The following CASKIN1 variants were observed in gnomAD, a reference collection of about 807,000 sequenced individuals.
CASKIN1 encodes the protein CASK interacting protein 1.
In CASKIN1, 42 loss-of-function variants were observed where a neutral mutation model predicts 117.5. The ratio of observed to expected loss-of-function variants is 0.36; its 90% CI spans 0.28 to 0.46. The LOEUF (loss-of-function observed/expected upper bound fraction) is 0.46. Ranked by LOEUF, CASKIN1 falls within the 20% of genes least tolerant of loss-of-function variation. The pLI, the probability that CASKIN1 is intolerant of heterozygous loss-of-function variation, is 1.00. For synonymous variants in CASKIN1, 1,148 were observed against 961.7 expected (o/e 1.19, Z -3.59); for missense variants, 2,083 against 2,077.3 (o/e 1.00, Z -0.05).
At position 2,187,207 on chromosome 16, in the gene CASKIN1, G is replaced by A. The variant is rs1335064738; in HGVS notation, c.794C>T (p.Thr265Ile). ...GATCTCCCTGCTGGCCTGGGACGTG[G>A]TGAACTGGTGCACGATGTCCAGGGC... ...QTALDIVHQF[T>I]TSQASREIKQ... The change falls in exon 8 of 20, where the codon ACC (threonine) becomes ATC (isoleucine). Residue 265 changes from threonine (T) to isoleucine (I), a missense_variant. Physicochemically the swap from Thr to Ile is moderately conservative, Grantham distance 89. This residue lies in a region of CASKIN1 where 203 missense variants were observed against 338.7 expected (regional missense o/e 0.60). Coordinates refer to ENST00000343516, the MANE Select transcript of CASKIN1 (RefSeq NM_020764.4). 6.2e-7 allele frequency: 1 copy of A among 1,614,064 alleles called. No individual in the cohort carries two copies. Among genetic ancestry groups the A allele is most frequent in the Non-Finnish European group, 8.5e-7 (1 of 1,179,986 alleles).
intron 15 of CASKIN1, 33 bp downstream of exon 15, chr16:2,183,798 G>T: frequency 1.2e-6 from 2 of 1,610,266 alleles, no homozygotes; most frequent in Non-Finnish European, 8.5e-7. Flanking sequence ...TCTGTGGGAC[G>T]CAGCTGGCGC....
rs749413890 is a variant in CASKIN1 at position 2,190,148 on chromosome 16, C to A, written c.169G>T (p.Ala57Ser). 1.9e-6 allele frequency: 3 copies of A among 1,613,098 alleles called. No homozygotes were observed. The part of the protein sequence containing the change: ...PDGFSALHHA[A>S]LNGNTELISL... ...ATCAATTCCGTGTTGCCGTTCAGGGCCGCATGGTGCAGAGCCGAGAAGCTG... is the reference window on the plus strand; with the variant it reads ...ATCAATTCCGTGTTGCCGTTCAGGGACGCATGGTGCAGAGCCGAGAAGCTG... Residue 57 changes from alanine to serine, a missense_variant, in exon 3 of 20, where the codon GCC (alanine) becomes TCC (serine). Physicochemically the swap from Ala to Ser is moderately conservative, Grantham distance 99 (BLOSUM62 1). Transcript: ENST00000343516.
chr16:2,178,435 C>G lies in CASKIN1; in HGVS notation c.*115G>C, dbSNP rs1187048441. ...CCCGGGTCCAGGGGCCGGAGTTGTG[C>G]TTCTGCAGGGCCCTGCCCGGCCGCT... On this transcript the variant is annotated 3_prime_UTR_variant, in exon 20 of 20. Coordinates refer to ENST00000343516, the MANE Select transcript of CASKIN1 (RefSeq NM_020764.4). 11 of 757,866 alleles carry G rather than the reference C, an allele frequency of 1.5e-5. No homozygotes were observed. Among genetic ancestry groups the G allele is most frequent in the Non-Finnish European group, 1.7e-5 (9 of 519,914 alleles). The allele number at this position is 757,866 out of a possible 1,614,324, so 46.9% of individuals were successfully genotyped here. A position where few individuals can be genotyped will look rare whatever the true frequency, so the allele number is the denominator to read the frequency against.
Position 2,185,162 on chromosome 16 carries a change from G to A in CASKIN1, c.1188C>T (p.Gly396=), listed in dbSNP as rs771581314. 71 of 1,608,242 alleles carry A rather than the reference G, an allele frequency of 4.4e-5. 1 individual carries two copies. The East Asian group carries it at 1.1e-3, about 25-fold the overall frequency. ...DRSGSISGMA[G]GRGSGGHALH... ...GGGCGTGACCCCCGCTGCCCCGGCC[G>A]CCAGCCATGCCGCTAATGCTGCCGC... The change falls in exon 12 of 20, where the codon GGC becomes GGT. Residue 396 remains glycine, a synonymous_variant. Transcript: ENST00000343516.
chr16:2,183,925 C>G lies in CASKIN1; in HGVS notation c.1433G>C (p.Ser478Thr). The G allele has an allele frequency of 6.2e-7, 1 of 1,605,312 alleles. No homozygotes were observed. The change falls in exon 15 of 20, where the codon AGC becomes ACC. Residue 478 changes from serine to threonine, a missense_variant. By Grantham distance (58) the Ser-to-Thr change is moderately conservative. Transcript: ENST00000343516. ...CAGCTGGAACGCGGTGAGCCACTGGCTCACGGCCTCAGAGCTCTGGAAGAC... is the reference window on the plus strand; with the variant it reads ...CAGCTGGAACGCGGTGAGCCACTGGGTCACGGCCTCAGAGCTCTGGAAGAC... Reference protein sequence around the residue: ...ASEGKSSEAVSQWLTAFQLQL... With the variant: ...ASEGKSSEAVTQWLTAFQLQL...
At position 2,179,797 on chromosome 16, in the gene CASKIN1, G is replaced by A. The variant is rs1259119967; in HGVS notation, c.3571C>T (p.Leu1191=). 1 of 1,575,054 alleles carries A rather than the reference G, an allele frequency of 6.3e-7. No individual in the cohort carries two copies. Among genetic ancestry groups the A allele is most frequent in the South Asian group, 1.1e-5 (1 of 87,512 alleles). The change falls in exon 18 of 20, where the codon CTG becomes TTG. Residue 1191 remains leucine (L), a synonymous_variant. Transcript: ENST00000343516. The surrounding 1 kb of genome is among the most constrained non-coding windows in gnomAD (Gnocchi z 5.8). Reference sequence around the variant, plus strand: ...TCGGCAGGCGGGGGCGGTGGAGGCAGCTCCGGAGGCCCAGCCTGCTCCGAG... The same window carrying A: ...TCGGCAGGCGGGGGCGGTGGAGGCAACTCCGGAGGCCCAGCCTGCTCCGAG... ...PASEQAGPPE[L]PPPPPPAEPP... is the part of the protein sequence containing the mutation.
In CASKIN1 at chr16:2,181,505, C is replaced by A; in HGVS notation, c.1863G>T (p.Lys621Asn). Residue 621 changes from lysine (K) to asparagine (N), a missense_variant, in exon 18 of 20, where the codon AAG becomes AAT. Transcript: ENST00000343516. Reference protein sequence around the residue: ...AKYEGGPLRRKAPQSLEVMAI... With the variant: ...AKYEGGPLRRNAPQSLEVMAI... ...CCATCACTTCAAGAGACTGGGGCGCCTTCCGGCGCAGGGGGCCCCCCTCAT... is the reference window on the plus strand; with the variant it reads ...CCATCACTTCAAGAGACTGGGGCGCATTCCGGCGCAGGGGGCCCCCCTCAT... The A allele has an allele frequency of 6.2e-7, 1 of 1,610,196 alleles. No homozygotes were observed. The highest frequency in any genetic ancestry group is 8.5e-7 in the Non-Finnish European group (1 of 1,179,406).
chr16:2,189,764 C>A (rs1315653044), intron 3 of CASKIN1, among the ~76,000 whole-genome samples, 200 bp from the exon 4 acceptor site: 1 of 151,584 alleles, frequency 6.6e-6, no homozygotes, highest in Non-Finnish European at 1.5e-5. Context: ...TGACCCCAAG[C>A]CCAACCCTGG....
rs1489977159 is a variant in CASKIN1 at position 2,181,121 on chromosome 16, G to A, written c.2247C>T (p.His749=). 2 of 1,480,452 alleles carry A rather than the reference G, an allele frequency of 1.4e-6. No individual in the cohort carries two copies. Among genetic ancestry groups the A allele is most frequent in the South Asian group, 2.8e-5 (2 of 72,222 alleles). The allele number at this position is 1,480,452 out of a possible 1,614,324, so 91.7% of individuals were successfully genotyped here. Residue 749 remains histidine (H), a synonymous_variant, in exon 18 of 20, where the codon CAC becomes CAT. Coordinates refer to ENST00000343516, the MANE Select transcript of CASKIN1 (RefSeq NM_020764.4). ...GGGGCACGCTGGCCCTCTTGATGCT[G>A]TGGCCGTGGCGGCCGGGCCGGGCCT... ...PREARPGRHG[H]SIKRASVPPV... is the part of the protein sequence containing the mutation.
At chr16:2,186,038 C>A (rs890724629) in intron 10 of CASKIN1, among the ~76,000 whole-genome samples, 1 of 152,162 alleles carries the variant, frequency 6.6e-6, no homozygotes, top group Admixed American at 6.5e-5. Context: ...CTGGTGCAAT[C>A]TTCGCTCACT....
At chr16:2,186,939 C>T (rs2141321716) in intron 9 of CASKIN1, 39 bp downstream of exon 9, 4 of 1,608,932 alleles carry the variant, frequency 2.5e-6, no homozygotes, top group East Asian at 2.2e-5. Context: ...CCAGGTGCCG[C>T]CCCCTCCCTG....
At position 2,189,623 on chromosome 16, in the gene CASKIN1, TA is replaced by T. The variant is rs1237085603; in HGVS notation, c.245-60del. 86 of 1,528,226 alleles carry T rather than the reference TA, an allele frequency of 5.6e-5. No individual in the cohort carries two copies. The South Asian group carries it at 7.0e-4, about 12-fold the overall frequency. The allele number at this position is 1,528,226 out of a possible 1,614,324, so 94.7% of individuals were successfully genotyped here. ...TGACCCCAAACCCAACCCTGGAGGA[TA>T]GGGGGGTGCTGGGACCTGACCCCTG... On this transcript the variant is annotated intron_variant, in intron 3 of 19. Transcript: ENST00000343516.
rs2141313573 is a variant in CASKIN1, at chr16:2,181,186, G to A, written c.2182C>T (p.Leu728Phe). 1.3e-6 allele frequency: 2 copies of A among 1,549,566 alleles called. No individual in the cohort carries two copies. Among genetic ancestry groups the A allele is most frequent in the South Asian group, 2.4e-5 (2 of 83,410 alleles). ...CCGGGGGCGGGGCCCTCATCCAGGA[G>A]GTACTCCTGGCTTCGAGACATGGGG... is the stretch of plus-strand genomic sequence containing the variant. ...SSPMSRSQEY[L>F]LDEGPAPGTP... is the part of the protein sequence containing the mutation. Residue 728 changes from leucine to phenylalanine, a missense_variant, in exon 18 of 20, where the codon CTC becomes TTC. Leu to Phe is a conservative substitution (Grantham distance 22, BLOSUM62 0). Transcript: ENST00000343516.
Position 2,180,883 on chromosome 16 carries a change from G to A in CASKIN1, c.2485C>T (p.His829Tyr), listed in dbSNP as rs1333710995. 10 of 1,432,382 alleles carry A rather than the reference G, an allele frequency of 7.0e-6. No homozygotes were observed. The highest frequency in any genetic ancestry group is 3.0e-5 in the African/African-American group (2 of 66,918). The allele number at this position is 1,432,382 out of a possible 1,614,324, so 88.7% of individuals were successfully genotyped here. ...SPRSLPQSPT[H>Y]RGFAYVLPQP... ...GGCAGCACGTAGGCAAAGCCGCGGT[G>A]CGTCGGTGACTGAGGCAGGGAGCGG... Residue 829 changes from histidine (H) to tyrosine (Y), a missense_variant, in exon 18 of 20, where the codon CAC becomes TAC. His to Tyr is a moderately conservative substitution (Grantham distance 83). This residue lies in a region of CASKIN1 where 1,818 missense variants were observed against 1,688.9 expected (regional missense o/e 1.08). Coordinates refer to ENST00000343516, the MANE Select transcript of CASKIN1 (RefSeq NM_020764.4).
At position 2,182,668 on chromosome 16, in the gene CASKIN1, G is replaced by A. The variant is rs1265498274; in HGVS notation, c.1630-739C>T. On this transcript the variant is annotated intron_variant, in intron 16 of 19. Coordinates refer to ENST00000343516, the MANE Select transcript of CASKIN1 (RefSeq NM_020764.4). This position sits in a 1 kb window ranked among gnomAD's most constrained non-coding sequence, Gnocchi z 4.1. ...CGCCAGGTGGCTTTTGACAGCCACC[G>A]ATCGCCTCTCCCGTTGGGAGCCCAG... 6.6e-6 allele frequency among the ~76,000 whole-genome samples: 1 copy of A among 152,232 alleles called. No homozygotes were observed. Among genetic ancestry groups the A allele is most frequent in the Non-Finnish European group, 1.5e-5 (1 of 68,044 alleles).
chr16:2,189,618 G>C, intron 3 of CASKIN1, 54 bp from the exon 4 acceptor site: 1 of 1,533,402 alleles, frequency 6.5e-7, no homozygotes, highest in East Asian at 2.3e-5. Flanking sequence ...CCCAACCCTG[G>C]AGGATAGGGG....
Position 2,183,740 on chromosome 16 carries a change from G to C in CASKIN1, c.1535C>G (p.Thr512Arg). The C allele has an allele frequency of 6.2e-7, 1 of 1,613,332 alleles. No homozygotes were observed. The highest frequency in any genetic ancestry group is 8.5e-7 in the Non-Finnish European group (1 of 1,179,978). Residue 512 changes from threonine to arginine, a missense_variant, in exon 16 of 20, where the codon ACG (threonine) becomes AGG (arginine). Thr to Arg is a moderately conservative substitution (Grantham distance 71). Transcript: ENST00000343516. ...TISRMTPEDLTAIGVTKPGHR... is the reference protein window; with the variant it reads ...TISRMTPEDLRAIGVTKPGHR... ...GCCCGGCTTGGTGACACCAATGGCC[G>C]TGAGGTCCTAGGCAGTGGGGAGGCT...
chr16:2,179,470 G>A lies in CASKIN1; in HGVS notation c.3775+123C>T. 1 of 1,393,754 alleles carries A rather than the reference G, an allele frequency of 7.2e-7. No homozygotes were observed. The highest frequency in any genetic ancestry group is 9.3e-7 in the Non-Finnish European group (1 of 1,076,824). The allele number at this position is 1,393,754 out of a possible 1,614,324, so 86.3% of individuals were successfully genotyped here. ...AGCCCTGGATGGATGAGAGGGTCTG[G>A]GGACACGTTCCCACCCCACCTGGGC... On this transcript the variant is annotated intron_variant, in intron 18 of 19. Transcript: ENST00000343516. This position sits in a 1 kb window ranked among gnomAD's most constrained non-coding sequence, Gnocchi z 5.8.
At position 2,181,301 on chromosome 16, in the gene CASKIN1, G is replaced by T. The variant is rs191978060; in HGVS notation, c.2067C>A (p.Thr689=). ...CACCCAGGCTGGAGTCCTGCCGCGT[G>T]GTGGCCCTCGGGGTGGGTGGCAGGT... ...SSHLPPTPRA[T]TRQDSSLGGR... is the part of the protein sequence containing the mutation. The change falls in exon 18 of 20, where the codon ACC becomes ACA. Residue 689 remains threonine, a synonymous_variant. Coordinates refer to ENST00000343516, the MANE Select transcript of CASKIN1 (RefSeq NM_020764.4). 1.7e-4 allele frequency: 269 copies of T among 1,603,614 alleles called. No homozygotes were observed. The African/African-American group carries it at 3.4e-3, about 20-fold the overall frequency.
Sources: allele counts gnomAD v4.1 joint callset (sites outside exome capture counted in the v4.1 genomes callset), GRCh38; gene constraint gnomAD v4.1.1; regional missense constraint gnomAD v4.1.1; non-coding constraint Gnocchi (gnomAD v3.1); transcripts MANE v1.5; gene names NCBI Gene and HGNC (gene_info 2026-07-23, HGNC 2026-07-21).